ADSS1: variants seen among roughly 807,000 people sequenced by gnomAD.
The protein encoded by ADSS1 is adenylosuccinate synthetase isozyme 1.
In ADSS1, 57 loss-of-function variants were observed where a neutral mutation model predicts 59.1. The observed-to-expected ratio is 0.97, with a 90% confidence interval of 0.78 to 1.20. The LOEUF is 1.20. Ranked by LOEUF, ADSS1 falls within the 50% of genes most tolerant of loss-of-function variation. The probability of loss-of-function intolerance (pLI) is 0.00; values close to 1 mark genes in which losing one functional copy is unlikely to be tolerated. For synonymous variants in ADSS1, 247 were observed against 249.4 expected (o/e 0.99, Z 0.09); for missense variants, 603 against 610.3 (o/e 0.99, Z 0.13).
chr14:104,743,885 G>A (rs146504111), intron 10 of ADSS1, among the ~76,000 whole-genome samples: 148 of 152,382 alleles, frequency 9.7e-4, no homozygotes, highest in Non-Finnish European at 1.8e-3. Flanking sequence ...AGGGTTCACG[G>A]CGCAGCCTCA....
Position 104,740,915 on chromosome 14 carries a change from C to G in ADSS1, c.661C>G (p.Leu221Val). 1 of 1,613,976 alleles carries G rather than the reference C, an allele frequency of 6.2e-7. No individual in the cohort carries two copies. The highest frequency in any genetic ancestry group is 8.5e-7 in the Non-Finnish European group (1 of 1,180,026). ...EIDIEGQLKR[L>V]KGFAERIRPM... ...AGACATTGAAGGCCAACTCAAAAGG[C>G]TCAAGGTGAAGTCGGGGCCGCAGTG... Residue 221 changes from leucine to valine, a missense_variant, in exon 7 of 13, where the codon CTC becomes GTC. Physicochemically the swap from Leu to Val is conservative, Grantham distance 32 (BLOSUM62 1). Transcript: ENST00000330877. This position sits in a 1 kb window ranked among gnomAD's most constrained non-coding sequence, Gnocchi z 4.8.
At chr14:104,735,630 G>A (rs1891092225) in intron 2 of ADSS1, among the ~76,000 whole-genome samples, 1 of 152,190 alleles carries the variant, frequency 6.6e-6, no homozygotes, top group Non-Finnish European at 1.5e-5. Context: ...GGCAGGCCTG[G>A]TTCCAGCCCC....
intron 1 of ADSS1, among the ~76,000 whole-genome samples, chr14:104,733,525 C>T (rs1251910522): frequency 6.6e-5 from 10 of 152,110 alleles, no homozygotes; most frequent in Admixed American, 5.9e-4. Context: ...GGGAGGGGGC[C>T]GCCATCACGG....
intron 12 of ADSS1, 68 bp from the exon 13 acceptor site, chr14:104,746,883 C>CTA: frequency 6.5e-7 from 1 of 1,542,926 alleles, no homozygotes; most frequent in East Asian, 2.3e-5. Flanking sequence ...AGATACGACA[C>CTA]TAAAGACAAC....
chr14:104,733,061 T>C (rs1890988536), intron 1 of ADSS1, among the ~76,000 whole-genome samples: 1 of 152,122 alleles, frequency 6.6e-6, no homozygotes, highest in Non-Finnish European at 1.5e-5. Context: ...CCGCCCAGGC[T>C]GCAGAAGTAC....
chr14:104,736,251 G>A (rs1047390017), intron 2 of ADSS1, among the ~76,000 whole-genome samples: 2 of 152,212 alleles, frequency 1.3e-5, no homozygotes, highest in African/African-American at 4.8e-5. Context: ...TGGCCTGCCC[G>A]CCATGTCGCA....
chr14:104,736,938 A>T (rs1484767591), intron 2 of ADSS1, among the ~76,000 whole-genome samples: 1 of 135,058 alleles, frequency 7.4e-6, no homozygotes, highest in Non-Finnish European at 1.6e-5. Flanking sequence ...TTAGAAATGG[A>T]GTCTTGCTGT....
At chr14:104,742,962 T>A (rs548214671) in intron 9 of ADSS1, 105 bp from the exon 10 acceptor site, 1 of 1,540,896 alleles carries the variant, frequency 6.5e-7, no homozygotes, top group East Asian at 2.3e-5. Context: ...CGGGGCACCC[T>A]CAGGGATTCT....
chr14:104,725,801 C>A (rs115867423), intron 1 of ADSS1, among the ~76,000 whole-genome samples: 1 of 152,060 alleles, frequency 6.6e-6, no homozygotes, highest in Non-Finnish European at 1.5e-5. Flanking sequence ...CCCTGACCCT[C>A]CTTAGACCTC....
intron 2 of ADSS1, 170 bp from the exon 3 acceptor site, chr14:104,738,206 C>T: frequency 1.9e-6 from 1 of 528,938 alleles, no homozygotes; most frequent in Non-Finnish European, 3.4e-6. Context: ...CCATGTGGGC[C>T]AGGCTGGTTT....
Position 104,738,419 on chromosome 14 carries a change from A to T in ADSS1, c.339A>T (p.Ala113=), listed in dbSNP as rs762971500. The T allele has an allele frequency of 6.2e-7, 1 of 1,613,998 alleles. No homozygotes were observed. Among genetic ancestry groups the T allele is most frequent in the South Asian group, 1.1e-5 (1 of 91,088 alleles). Residue 113 remains alanine, a synonymous_variant, in exon 3 of 13, where the codon GCA becomes GCT. Coordinates refer to ENST00000330877, the MANE Select transcript of ADSS1 (RefSeq NM_152328.5). ...VIHLPGLFEE[A]EKNEKKGLKD... is the part of the protein sequence containing the mutation. ...ACTTGCCAGGCTTGTTTGAGGAAGC[A>T]GAGAAGAATGAAAAGAAAGGTAGGT...
intron 3 of ADSS1, 53 bp downstream of exon 3, chr14:104,738,491 G>T (rs375561909): frequency 3.8e-6 from 6 of 1,594,544 alleles, no homozygotes; most frequent in Non-Finnish European, 5.1e-6. Context: ...TGCCCTGAGC[G>T]GTTGTTGGCT....
Position 104,741,996 on chromosome 14 carries a change from G to C in ADSS1, c.942G>C (p.Gln314His), listed in dbSNP as rs776566388. ...RVGIGAFPTE[Q>H]INEIGGLLQT... ...GCATCGGGGCCTTCCCCACCGAGCAGATCAACGTGAGTCCCCAGCCCCTCG... is the reference window on the plus strand; with the variant it reads ...GCATCGGGGCCTTCCCCACCGAGCACATCAACGTGAGTCCCCAGCCCCTCG... Residue 314 changes from glutamine (Q) to histidine (H), a missense_variant, in exon 9 of 13, where the codon CAG becomes CAC. Coordinates refer to ENST00000330877, the MANE Select transcript of ADSS1 (RefSeq NM_152328.5). 1 of 1,612,848 alleles carries C rather than the reference G, an allele frequency of 6.2e-7. No homozygotes were observed. Among genetic ancestry groups the C allele is most frequent in the Non-Finnish European group, 8.5e-7 (1 of 1,179,878 alleles).
rs560887012 is a variant in ADSS1 at position 104,742,073 on chromosome 14, A to G, written c.948+71A>G. On this transcript the variant is annotated intron_variant, in intron 9 of 12. Transcript: ENST00000330877. ...AGGCAGGGGTGCCGGGGGTGGGGTG[A>G]GCAGTGCCAGGGTGGAGGCTCTGCG... The G allele has an allele frequency of 1.8e-5, 28 of 1,577,882 alleles. No homozygotes were observed. The South Asian group carries it at 3.2e-4, about 18-fold the overall frequency.
Position 104,744,758 on chromosome 14 carries a change from C to A in ADSS1, c.1074-54C>A. 4 of 1,565,390 alleles carry A rather than the reference C, an allele frequency of 2.6e-6. No individual in the cohort carries two copies. The South Asian group carries it at 4.4e-5, about 17-fold the overall frequency. ...AGAGGTCAAAAGCAAGCGGAAGAAACCCCAGCACTGCTGACCACTTCTTGG... is the reference window on the plus strand; with the variant it reads ...AGAGGTCAAAAGCAAGCGGAAGAAAACCCAGCACTGCTGACCACTTCTTGG... On this transcript the variant is annotated intron_variant, in intron 10 of 12. Transcript: ENST00000330877.
chr14:104,741,466 G>A (rs974491154), intron 8 of ADSS1, among the ~76,000 whole-genome samples: 1 of 152,206 alleles, frequency 6.6e-6, no homozygotes, highest in Non-Finnish European at 1.5e-5. Context: ...AAAGAACAGG[G>A]TGACAAGGTC....
chr14:104,741,200 C>G lies in ADSS1; in HGVS notation c.750C>G (p.Ile250Met), dbSNP rs1891336595. The G allele has an allele frequency of 6.2e-7, 1 of 1,611,578 alleles. No homozygotes were observed. ...CACTCCACGGCCCCCCCAAGAAGAT[C>G]CTGGTGGAGGGTGCCAACGCCGCCC... The part of the protein sequence containing the change: ...YEALHGPPKK[I>M]LVEGANAALL... The change falls in exon 8 of 13, where the codon ATC becomes ATG. Residue 250 changes from isoleucine to methionine, a missense_variant. Coordinates refer to ENST00000330877, the MANE Select transcript of ADSS1 (RefSeq NM_152328.5).
rs768863100 is a variant in ADSS1 at position 104,739,374 on chromosome 14, C to T, written c.405C>T (p.His135=). The change falls in exon 4 of 13, where the codon CAC becomes CAT. Residue 135 remains histidine, a synonymous_variant. Transcript: ENST00000330877. ...EKRLIISDRA[H]LVFDFHQAVD... is the part of the protein sequence containing the mutation. ...GGCTCATCATCTCTGACAGAGCCCA[C>T]CTTGGTACGTTTCCCACTGGAGTAC... is the stretch of plus-strand genomic sequence containing the variant. 5 of 1,605,902 alleles carry T rather than the reference C, an allele frequency of 3.1e-6. No individual in the cohort carries two copies. The Admixed American group carries it at 8.5e-5, about 27-fold the overall frequency.
Position 104,740,036 on chromosome 14 carries a change from A to G in ADSS1, c.476+220A>G, listed in dbSNP as rs1214039809. 6.6e-6 allele frequency among the ~76,000 whole-genome samples: 1 copy of G among 152,130 alleles called. No individual in the cohort carries two copies. Among genetic ancestry groups the G allele is most frequent in the Admixed American group, 6.5e-5 (1 of 15,278 alleles). On this transcript the variant is annotated intron_variant, in intron 5 of 12. Transcript: ENST00000330877. This position sits in a 1 kb window ranked among gnomAD's most constrained non-coding sequence, Gnocchi z 4.8. ...TTGCACACTGTCCTTGCCGGCTGCC[A>G]CTGCCACGCGGCTCCCCCCAGGAGT...
Sources: allele counts gnomAD v4.1 joint callset (sites outside exome capture counted in the v4.1 genomes callset), GRCh38; gene constraint gnomAD v4.1.1; non-coding constraint Gnocchi (gnomAD v3.1); transcripts MANE v1.5; gene names NCBI Gene and HGNC (gene_info 2026-07-23, HGNC 2026-07-21).